Variants in EPS15L1 observed in about 807,000 individuals in gnomAD.
EPS15L1 encodes the protein epidermal growth factor receptor pathway substrate 15 like 1.
EPS15L1 carries 43 observed loss-of-function variants against 117.1 expected under a neutral mutation model. That is an observed-to-expected ratio of 0.37 (90% CI 0.29 to 0.47). The LOEUF (loss-of-function observed/expected upper bound fraction) is 0.47, where lower values mean the gene tolerates loss of function less well. Among genes scored for constraint, EPS15L1 ranks in the 20% least tolerant of loss-of-function variants. EPS15L1 has a pLI of 0.99. For synonymous variants in EPS15L1, 459 were observed against 470.5 expected (o/e 0.98, Z 0.32); for missense variants, 981 against 1,164.0 (o/e 0.84, Z 2.29).
chr19:16,449,592 CA>C (rs200414981), intron 1 of EPS15L1, among the ~76,000 whole-genome samples: 3,806 of 151,250 alleles, frequency 0.025, 120 homozygotes, highest in Admixed American at 0.088. Context: ...ACAACAACAA[CA>C]AAAAAAAACT....
At chr19:16,364,076 C>CTAAG in intron 22 of EPS15L1, among the ~76,000 whole-genome samples, 1 of 152,332 alleles carries the variant, frequency 6.6e-6, no homozygotes, top group East Asian at 1.9e-4. Flanking sequence ...GTGAGTCCAT[C>CTAAG]TAAGAGGCTC....
intron 12 of EPS15L1, chr19:16,417,339 G>T: frequency 1.9e-6 from 1 of 536,082 alleles, no homozygotes; most frequent in Admixed American, 3.1e-5. Flanking sequence ...CCACACAGAT[G>T]CTACGGGCTC....
rs570089670 is a variant in EPS15L1 at position 16,406,909 on chromosome 19, C to T, written c.1267-2160G>A. Reference sequence around the variant, plus strand: ...CCTCTAGGAGGTGATTAGGTACAGCCCTTGTGAGTGGGATTAGTGGCCTTA... The same window carrying T: ...CCTCTAGGAGGTGATTAGGTACAGCTCTTGTGAGTGGGATTAGTGGCCTTA... On this transcript the variant is annotated intron_variant, in intron 13 of 23. Transcript: ENST00000455140. Among the ~76,000 whole-genome samples the T allele has an allele frequency of 3.3e-5, 5 of 152,262 alleles. No homozygotes were observed. In the East Asian group the frequency reaches 9.7e-4, roughly 29 times the overall value.
chr19:16,446,316 C>A (rs139054167), intron 1 of EPS15L1, among the ~76,000 whole-genome samples: 1 of 152,166 alleles, frequency 6.6e-6, no homozygotes, highest in African/African-American at 2.4e-5. Context: ...GAGGGCAGGA[C>A]GCCTCCTACA....
intron 10 of EPS15L1, among the ~76,000 whole-genome samples, chr19:16,420,498 T>C (rs2092803050): frequency 6.6e-6 from 1 of 152,210 alleles, no homozygotes; most frequent in South Asian, 2.1e-4. Flanking sequence ...ATTTGGGTGA[T>C]GACTCTGCGA....
chr19:16,430,365 G>C (rs972988895), intron 7 of EPS15L1, among the ~76,000 whole-genome samples: 1 of 152,152 alleles, frequency 6.6e-6, no homozygotes, highest in Non-Finnish European at 1.5e-5. Flanking sequence ...ACCCTGCCCC[G>C]CCCTGTCCAC....
Position 16,471,502 on chromosome 19 carries a change from G to A in EPS15L1, c.33+411C>T, listed in dbSNP as rs561911962. Among the ~76,000 whole-genome samples the A allele has an allele frequency of 6.6e-6, 1 of 152,292 alleles. No individual in the cohort carries two copies. Among genetic ancestry groups the A allele is most frequent in the Admixed American group, 6.5e-5 (1 of 15,308 alleles). ...TGCTGACGGGTCCGGGCTCCGGCGG[G>A]ACCCTGCCCGCCCGGGCGCCGGGAC... On this transcript the variant is annotated intron_variant, in intron 1 of 23. Transcript: ENST00000455140. The surrounding 1 kb of genome is among the most constrained non-coding windows in gnomAD (Gnocchi z 4.8).
intron 1 of EPS15L1, among the ~76,000 whole-genome samples, chr19:16,445,976 C>T (rs1163023677): frequency 2.6e-5 from 4 of 152,216 alleles, no homozygotes; most frequent in South Asian, 4.1e-4. Context: ...TAGCTTTCAG[C>T]TCGGTCTTTC....
chr19:16,375,809 G>A (rs551369006), intron 22 of EPS15L1, among the ~76,000 whole-genome samples: 4 of 152,164 alleles, frequency 2.6e-5, no homozygotes, highest in African/African-American at 4.8e-5. Flanking sequence ...TGGGCACTGC[G>A]GGCTGGGTCC....
chr19:16,400,336 C>CAAAAAAAAA (rs1162302779), intron 16 of EPS15L1, among the ~76,000 whole-genome samples: 17 of 60,700 alleles, frequency 2.8e-4, no homozygotes, highest in Admixed American at 7.5e-4. Context: ...GACTCCGTCT[C>CAAAAAAAAA]AAAAAAAAAA....
chr19:16,469,800 C>T (rs558426188), intron 1 of EPS15L1, among the ~76,000 whole-genome samples: 23 of 152,200 alleles, frequency 1.5e-4, no homozygotes, highest in Admixed American at 1.3e-3. Flanking sequence ...CTAAATCCAA[C>T]CAGATCACAG....
At chr19:16,430,180 A>G (rs1667652583) in intron 7 of EPS15L1, among the ~76,000 whole-genome samples, 1 of 152,158 alleles carries the variant, frequency 6.6e-6, no homozygotes, top group African/African-American at 2.4e-5. Flanking sequence ...CCTCTTCTAG[A>G]AAGTCTTCCC....
At position 16,412,283 on chromosome 19, in the gene EPS15L1, C is replaced by A. The variant is rs145351677; in HGVS notation, c.1266+1490G>T. Among the ~76,000 whole-genome samples, 892 of 152,014 alleles carry A rather than the reference C, an allele frequency of 5.9e-3. 10 individuals are homozygous for A. Among genetic ancestry groups the A allele is most frequent in the African/African-American group, 0.02 (837 of 41,464 alleles). ...TTGGGAGGCTGAGGCAGGCAGATCA[C>A]GAGGTCAGGAGATTAAGACCATCCT... On this transcript the variant is annotated intron_variant, in intron 13 of 23. Transcript: ENST00000455140.
chr19:16,413,733 A>T, intron 13 of EPS15L1, 40 bp downstream of exon 13: 1 of 1,550,872 alleles, frequency 6.4e-7, no homozygotes, highest in Non-Finnish European at 8.9e-7. Flanking sequence ...AACTACATTT[A>T]GCACAAAGTA....
intron 21 of EPS15L1, among the ~76,000 whole-genome samples, chr19:16,378,543 T>C (rs1043921144): frequency 6.6e-6 from 1 of 152,074 alleles, no homozygotes; most frequent in Non-Finnish European, 1.5e-5. Context: ...CACCCACGCC[T>C]GCACTGCTCA....
At position 16,371,920 on chromosome 19, in the gene EPS15L1, C is replaced by G. The variant is rs1017017134; in HGVS notation, c.2380+5202G>C. ...TGCCACGGCTAACTTTAACCTAACT[C>G]TAACTGACAGGTTTCGGCAGCCTGC... On this transcript the variant is annotated intron_variant, in intron 22 of 23. Coordinates refer to ENST00000455140, the MANE Select transcript of EPS15L1 (RefSeq NM_001258374.3). This position sits in a 1 kb window ranked among gnomAD's most constrained non-coding sequence, Gnocchi z 4.7. 6.6e-6 allele frequency among the ~76,000 whole-genome samples: 1 copy of G among 152,232 alleles called. No homozygotes were observed. The highest frequency in any genetic ancestry group is 1.5e-5 in the Non-Finnish European group (1 of 68,044).
intron 16 of EPS15L1, among the ~76,000 whole-genome samples, chr19:16,400,397 A>C (rs973618678): frequency 6.6e-6 from 1 of 151,918 alleles, no homozygotes. Context: ...ATAAAGTCAC[A>C]CTGCGTGAGC....
At chr19:16,452,783 CTATTT>C (rs1568463645) in intron 1 of EPS15L1, among the ~76,000 whole-genome samples, 1 of 151,930 alleles carries the variant, frequency 6.6e-6, no homozygotes, top group African/African-American at 2.4e-5. Flanking sequence ...CCCTCTACAT[CTATTT>C]TATTTTTTTA....
At chr19:16,427,625 C>G (rs2092884580) in intron 8 of EPS15L1, among the ~76,000 whole-genome samples, 1 of 152,182 alleles carries the variant, frequency 6.6e-6, no homozygotes, top group African/African-American at 2.4e-5. Context: ...GGTGTGGTGT[C>G]TCATGCCTGT....
Sources: allele counts gnomAD v4.1 joint callset (sites outside exome capture counted in the v4.1 genomes callset), GRCh38; gene constraint gnomAD v4.1.1; non-coding constraint Gnocchi (gnomAD v3.1); transcripts MANE v1.5; gene names NCBI Gene and HGNC (gene_info 2026-07-23, HGNC 2026-07-21).